FSD2: variants seen among roughly 807,000 people sequenced by gnomAD.
FSD2 encodes fibronectin type III and SPRY domain-containing protein 2.
Under a neutral mutation model 80.4 loss-of-function variants are expected in FSD2, and 71 were observed. That is an observed-to-expected ratio of 0.88 (90% CI 0.73 to 1.08). The LOEUF (loss-of-function observed/expected upper bound fraction) is 1.08, where lower values mean the gene tolerates loss of function less well. Ranked by LOEUF, FSD2 falls within the 50% of genes least tolerant of loss-of-function variation. The pLI, the probability that FSD2 is intolerant of heterozygous loss-of-function variation, is 0.00. For synonymous variants in FSD2, 361 were observed against 329.5 expected (o/e 1.10, Z -1.03); for missense variants, 923 against 913.8 (o/e 1.01, Z -0.13).
At chr15:82,776,612 C>G (rs762742117) in intron 6 of FSD2, among the ~76,000 whole-genome samples, 3 of 151,850 alleles carry the variant, frequency 2.0e-5, no homozygotes, top group Non-Finnish European at 2.9e-5. Context: ...GAAAAGTATC[C>G]TACATTCATA....
At chr15:82,770,890 A>G (rs1356423301) in intron 7 of FSD2, among the ~76,000 whole-genome samples, 1 of 152,140 alleles carries the variant, frequency 6.6e-6, no homozygotes, top group Non-Finnish European at 1.5e-5. Flanking sequence ...TTGCCATGAC[A>G]CAGCCCCAAT....
At chr15:82,789,540 G>A (rs1287886991) in intron 1 of FSD2, among the ~76,000 whole-genome samples, 2 of 152,084 alleles carry the variant, frequency 1.3e-5, no homozygotes, top group Non-Finnish European at 2.9e-5. Context: ...GTCTCAGGGA[G>A]GGTATCTTGT....
intron 1 of FSD2, among the ~76,000 whole-genome samples, chr15:82,801,191 G>A (rs892476968): frequency 6.6e-6 from 1 of 152,182 alleles, no homozygotes; most frequent in Non-Finnish European, 1.5e-5. Context: ...AAGAACCCAG[G>A]ATGCTGGAAA....
At chr15:82,770,280 A>G (rs1424888230) in intron 7 of FSD2, among the ~76,000 whole-genome samples, 1 of 152,218 alleles carries the variant, frequency 6.6e-6, no homozygotes, top group South Asian at 2.1e-4. Flanking sequence ...CCTCCCGGCT[A>G]TCCTATCTGC....
rs559405778 is a variant in FSD2, at chr15:82,759,303, G to A, written c.*45C>T. The A allele has an allele frequency of 2.4e-5, 38 of 1,596,466 alleles. 1 individual carries two copies. The South Asian group carries it at 3.0e-4, about 13-fold the overall frequency. On this transcript the variant is annotated 3_prime_UTR_variant, in exon 13 of 13. Transcript: ENST00000334574. Reference sequence around the variant, plus strand: ...AGCCAGCTAAGGCGTGAGCAGCTGCGAGAGGGGTAGGCATGGAAGACAGGA... The same window carrying A: ...AGCCAGCTAAGGCGTGAGCAGCTGCAAGAGGGGTAGGCATGGAAGACAGGA...
At chr15:82,792,603 C>T (rs2050176803) in intron 1 of FSD2, among the ~76,000 whole-genome samples, 1 of 152,174 alleles carries the variant, frequency 6.6e-6, no homozygotes, top group African/African-American at 2.4e-5. Flanking sequence ...CCCTGAAGCA[C>T]AAAAGTTTTT....
chr15:82,762,595 AG>A (rs1018524448), intron 11 of FSD2, among the ~76,000 whole-genome samples: 1 of 152,168 alleles, frequency 6.6e-6, no homozygotes, highest in African/African-American at 2.4e-5. Flanking sequence ...AAAAAAGAAA[AG>A]GGTTGAAAAT....
chr15:82,769,639 G>A lies in FSD2; in HGVS notation c.1402+111C>T, dbSNP rs148513710. ...TAAATAAAAGAAAAAAATGTACACA[G>A]CTCTTCCTACCCTTCTGAATGAAAT... On this transcript the variant is annotated intron_variant, in intron 8 of 12. Transcript: ENST00000334574. The A allele has an allele frequency of 1.6e-4, 203 of 1,283,358 alleles. No homozygotes were observed. The African/African-American group carries it at 2.8e-3, about 18-fold the overall frequency. The allele number at this position is 1,283,358 out of a possible 1,614,324, so 79.5% of individuals were successfully genotyped here.
At chr15:82,778,125 A>C (rs1204084860) in intron 6 of FSD2, among the ~76,000 whole-genome samples, 2 of 41,426 alleles carry the variant, frequency 4.8e-5, no homozygotes, top group East Asian at 1.3e-3. Flanking sequence ...ACACAAAAAA[A>C]CCATATATAT....
At chr15:82,767,791 G>A (rs2049457497) in intron 9 of FSD2, among the ~76,000 whole-genome samples, 1 of 152,182 alleles carries the variant, frequency 6.6e-6, no homozygotes, top group Non-Finnish European at 1.5e-5. Context: ...GGAACAGATG[G>A]ATGGGTGGCA....
intron 5 of FSD2, among the ~76,000 whole-genome samples, chr15:82,779,470 G>C (rs1257808545): frequency 6.6e-6 from 1 of 152,082 alleles, no homozygotes; most frequent in Non-Finnish European, 1.5e-5. Flanking sequence ...TTCAAGACCA[G>C]CCTGGCCAAC....
chr15:82,782,065 AAATAATAATAATAATAATAAT>A (rs71455428), intron 4 of FSD2, among the ~76,000 whole-genome samples: 1 of 107,024 alleles, frequency 9.3e-6, no homozygotes, highest in Non-Finnish European at 1.8e-5. Context: ...CTCCATCTCA[AAATAATAATAATAATAATAAT>A]AATAATAATA....
In FSD2 at chr15:82,762,102, C is replaced by G. The variant is rs778113534; in HGVS notation, c.1997G>C (p.Arg666Thr). The change falls in exon 12 of 13, where the codon AGG (arginine) becomes ACG (threonine). Residue 666 changes from arginine to threonine, a missense_variant and splice_region_variant. Arg to Thr is a moderately conservative substitution (Grantham distance 71). Transcript: ENST00000334574. The part of the protein sequence containing the change: ...WCMRHTFASS[R>T]HKYEFLHNRT... Reference sequence around the variant, plus strand: ...TGTGAGTATCCAGATTTTACTTTACCTTGATGATGCAAATGTGTGCCTCAT... The same window carrying G: ...TGTGAGTATCCAGATTTTACTTTACGTTGATGATGCAAATGTGTGCCTCAT... The G allele has an allele frequency of 1.1e-5, 18 of 1,584,332 alleles. No individual in the cohort carries two copies. The highest frequency in any genetic ancestry group is 1.7e-4 in the Middle Eastern group (1 of 6,018).
intron 3 of FSD2, among the ~76,000 whole-genome samples, chr15:82,784,365 C>T (rs1168255229): frequency 6.6e-6 from 1 of 151,980 alleles, no homozygotes; most frequent in African/African-American, 2.4e-5. Flanking sequence ...CTGTCTCAGC[C>T]TCCCAAGTAG....
intron 1 of FSD2, among the ~76,000 whole-genome samples, chr15:82,792,752 G>A (rs77945440): frequency 6.6e-6 from 1 of 152,032 alleles, no homozygotes; most frequent in Non-Finnish European, 1.5e-5. Context: ...CTTTTTTGTT[G>A]TTGTTTTTTA....
intron 6 of FSD2, among the ~76,000 whole-genome samples, chr15:82,774,939 C>T (rs906453344): frequency 2.7e-5 from 4 of 150,322 alleles, no homozygotes; most frequent in Admixed American, 6.6e-5. Context: ...CCAGGATGGT[C>T]TCAATCTCCT....
At chr15:82,773,726 G>T (rs928117581) in intron 6 of FSD2, among the ~76,000 whole-genome samples, 1 of 152,048 alleles carries the variant, frequency 6.6e-6, no homozygotes, top group Non-Finnish European at 1.5e-5. Flanking sequence ...TTAAAGATTT[G>T]CATTACAGTA....
chr15:82,778,290 T>C (rs1473216530), intron 6 of FSD2, among the ~76,000 whole-genome samples: 1 of 151,700 alleles, frequency 6.6e-6, no homozygotes, highest in Non-Finnish European at 1.5e-5. Context: ...ACAACCTCAA[T>C]GTCCATCAAT....
At chr15:82,762,958 A>G (rs968921254) in intron 11 of FSD2, among the ~76,000 whole-genome samples, 1 of 152,226 alleles carries the variant, frequency 6.6e-6, no homozygotes, top group African/African-American at 2.4e-5. Flanking sequence ...ACCAAAATAT[A>G]TATAGACCTC....
Sources: allele counts gnomAD v4.1 joint callset (sites outside exome capture counted in the v4.1 genomes callset), GRCh38; gene constraint gnomAD v4.1.1; transcripts MANE v1.5; gene names NCBI Gene and HGNC (gene_info 2026-07-23, HGNC 2026-07-21).